Variants in NELL2 observed in about 807,000 individuals in gnomAD.
NELL2 encodes the protein protein kinase C-binding protein NELL2.
A neutral mutation model predicts 109.6 loss-of-function variants in NELL2; 41 were observed. That is an observed-to-expected ratio of 0.37 (90% confidence interval 0.29 to 0.49). The LOEUF is 0.49. NELL2 is among the 20% of genes least tolerant of loss of function. NELL2 has a pLI of 0.98. For synonymous variants in NELL2, 355 were observed against 344.7 expected (o/e 1.03, Z -0.33); for missense variants, 900 against 1,008.3 (o/e 0.89, Z 1.45).
chr12:44,743,096 A>G lies in NELL2; in HGVS notation c.995-28355T>C, dbSNP rs189533354. 5.5e-3 allele frequency among the ~76,000 whole-genome samples: 845 copies of G among 152,318 alleles called. 8 individuals are homozygous for G. The highest frequency in any genetic ancestry group is 0.019 in the African/African-American group (797 of 41,558). On this transcript the variant is annotated intron_variant, in intron 9 of 19. Transcript: ENST00000429094. ...AAGGGAAGCACATCAGACTAACAGC[A>G]GATCTCTCGGCAGAAACTCTACAAG...
intron 13 of NELL2, among the ~76,000 whole-genome samples, chr12:44,621,693 C>T (rs574255986): frequency 1.4e-5 from 2 of 144,348 alleles, no homozygotes; most frequent in South Asian, 4.2e-4. Context: ...TTATTGTGCT[C>T]GAACTTTTTT....
chr12:44,913,830 T>A (rs767355287), exon 1 of NELL2: 1 of 806,092 alleles, frequency 1.2e-6, no homozygotes, highest in Non-Finnish European at 1.9e-6. Context: ...AGTCTTCTTA[T>A]AGACATTTTA....
At chr12:44,646,069 T>C (rs1048203087) in intron 13 of NELL2, among the ~76,000 whole-genome samples, 1 of 149,194 alleles carries the variant, frequency 6.7e-6, no homozygotes, top group Admixed American at 6.7e-5. Flanking sequence ...GGGTATGTCT[T>C]TTTTTTTTAT....
intron 2 of NELL2, among the ~76,000 whole-genome samples, chr12:44,832,729 C>T (rs536441292): frequency 3.9e-5 from 6 of 152,272 alleles, no homozygotes; most frequent in Admixed American, 1.3e-4. Flanking sequence ...AAAACTAGAA[C>T]ACATACAAAA....
At position 44,520,109 on chromosome 12, in the gene NELL2, G is replaced by A. The variant is rs375958961; in HGVS notation, c.2296C>T (p.Arg766Cys). 1.1e-4 allele frequency: 170 copies of A among 1,614,020 alleles called. 1 individual carries two copies. Among genetic ancestry groups the A allele is most frequent in the Non-Finnish European group, 7.9e-5 (93 of 1,180,036 alleles). The change falls in exon 19 of 20, where the codon CGC becomes TGC. Residue 766 changes from arginine (R) to cysteine (C), a missense_variant. Physicochemically the swap from Arg to Cys is radical, Grantham distance 180 (BLOSUM62 -3). Transcript: ENST00000429094. ...AGGCAAGTCTTGGTGATGTCATTGC[G>A]GATGGTGTCAGCCTGGCAAGGGTCT... ...VTDPCQADTIRNDITKTCLDE... is the reference protein window; with the variant it reads ...VTDPCQADTICNDITKTCLDE...
rs192512144 is a variant in NELL2, at chr12:44,748,906, C to T, written c.994+25841G>A. 4.6e-5 allele frequency among the ~76,000 whole-genome samples: 7 copies of T among 152,284 alleles called. No homozygotes were observed. In the East Asian group the frequency reaches 1.3e-3, roughly 29 times the overall value. ...AAAAAGCAAAGTTATTATTTCTCCACTTTGTGGGAATTGCATTATAGTGAA... is the reference window on the plus strand; with the variant it reads ...AAAAAGCAAAGTTATTATTTCTCCATTTTGTGGGAATTGCATTATAGTGAA... On this transcript the variant is annotated intron_variant, in intron 9 of 19. Coordinates refer to ENST00000429094, the MANE Select transcript of NELL2 (RefSeq NM_001145108.2).
intron 2 of NELL2, among the ~76,000 whole-genome samples, chr12:44,867,563 G>A (rs1431915994): frequency 6.6e-6 from 1 of 152,022 alleles, no homozygotes; most frequent in East Asian, 1.9e-4. Context: ...CTAAAATAAG[G>A]AAAAAGACAA....
chr12:44,727,954 T>C (rs2136466578), intron 9 of NELL2, among the ~76,000 whole-genome samples: 1 of 152,150 alleles, frequency 6.6e-6, no homozygotes, highest in East Asian at 1.9e-4. Flanking sequence ...CTATTATATA[T>C]ATGGATGAAT....
Position 44,698,674 on chromosome 12 carries a change from A to G in NELL2, c.1318+5052T>C, listed in dbSNP as rs1360999252. On this transcript the variant is annotated intron_variant, in intron 12 of 19. Transcript: ENST00000429094. ...TGGAGGTGGGCTCAGACTATACTAAACTATTTCCCATATTCTTGTTAATTT... is the reference window on the plus strand; with the variant it reads ...TGGAGGTGGGCTCAGACTATACTAAGCTATTTCCCATATTCTTGTTAATTT... Among the ~76,000 whole-genome samples, 3 of 152,160 alleles carry G rather than the reference A, an allele frequency of 2.0e-5. No homozygotes were observed. The East Asian group carries it at 5.8e-4, about 29-fold the overall frequency.
At chr12:44,588,577 T>C (rs1242925034) in intron 15 of NELL2, among the ~76,000 whole-genome samples, 1 of 152,202 alleles carries the variant, frequency 6.6e-6, no homozygotes. Context: ...GAAAGTATGC[T>C]TATGTATGTT....
chr12:44,774,307 T>C (rs1235536010), intron 9 of NELL2, among the ~76,000 whole-genome samples: 2 of 152,194 alleles, frequency 1.3e-5, no homozygotes, highest in Non-Finnish European at 2.9e-5. Context: ...TTATCTACAC[T>C]GGACAATCCT....
At chr12:44,590,743 A>C (rs1944713981) in intron 15 of NELL2, among the ~76,000 whole-genome samples, 3 of 152,176 alleles carry the variant, frequency 2.0e-5, no homozygotes, top group Non-Finnish European at 4.4e-5. Context: ...TCAAAAGCAA[A>C]GGCAACAAAA....
chr12:44,736,840 C>T (rs1009338542), intron 9 of NELL2, among the ~76,000 whole-genome samples: 13 of 151,950 alleles, frequency 8.6e-5, no homozygotes, highest in African/African-American at 2.2e-4. Context: ...AATTATACAT[C>T]GTGTAATACT....
rs1941469596 is a variant in NELL2 at position 44,520,246 on chromosome 12, T to C, written c.2176-17A>G. 2 of 1,596,460 alleles carry C rather than the reference T, an allele frequency of 1.3e-6. No individual in the cohort carries two copies. Among genetic ancestry groups the C allele is most frequent in the Admixed American group, 1.7e-5 (1 of 57,422 alleles). ...TTCCCCTTGCTACAAGGAAAGCAGA[T>C]GTGCAAGGGCAGAGGGAGAGGGAGG... On this transcript the variant is annotated splice_polypyrimidine_tract_variant and intron_variant, in intron 18 of 19. Transcript: ENST00000429094.
At chr12:44,541,085 A>C (rs972041053) in intron 15 of NELL2, among the ~76,000 whole-genome samples, 2 of 151,510 alleles carry the variant, frequency 1.3e-5, no homozygotes, top group African/African-American at 2.4e-5. Flanking sequence ...CTCTACTGAA[A>C]AAAAGTAGAA....
intron 13 of NELL2, among the ~76,000 whole-genome samples, chr12:44,661,633 G>A (rs1947745675): frequency 6.6e-6 from 1 of 151,774 alleles, no homozygotes; most frequent in Non-Finnish European, 1.5e-5. Context: ...GTTCCAAGAA[G>A]AGATTCCCAG....
chr12:44,789,665 T>TA (rs1942309152), intron 3 of NELL2, among the ~76,000 whole-genome samples: 2 of 152,080 alleles, frequency 1.3e-5, no homozygotes, highest in Non-Finnish European at 2.9e-5. Flanking sequence ...GGTTAGTTAT[T>TA]AAGCTAATCA....
chr12:44,613,922 T>A (rs1945720617), intron 13 of NELL2, among the ~76,000 whole-genome samples: 1 of 152,080 alleles, frequency 6.6e-6, no homozygotes, highest in African/African-American at 2.4e-5. Flanking sequence ...CCATTTCTAG[T>A]ACTTCCTCCA....
intron 15 of NELL2, among the ~76,000 whole-genome samples, chr12:44,553,546 A>G (rs1943124695): frequency 6.6e-6 from 1 of 152,210 alleles, no homozygotes; most frequent in African/African-American, 2.4e-5. Context: ...GTAAGGCAGT[A>G]AATTTTAAAA....
Sources: allele counts gnomAD v4.1 joint callset (sites outside exome capture counted in the v4.1 genomes callset), GRCh38; gene constraint gnomAD v4.1.1; transcripts MANE v1.5; gene names NCBI Gene and HGNC (gene_info 2026-07-23, HGNC 2026-07-21).